Variants in KCNK2 observed in about 807,000 individuals in gnomAD.
KCNK2 encodes potassium channel subfamily K member 2.
KCNK2 carries 21 observed loss-of-function variants against 40.5 expected under a neutral mutation model. The observed-to-expected ratio is 0.52, with a 90% confidence interval of 0.37 to 0.75. The LOEUF is 0.75. Ranked by LOEUF, KCNK2 falls within the 30% of genes least tolerant of loss-of-function variation. The pLI is 0.00. For missense variants in KCNK2, 399 were observed against 531.6 expected, an observed-to-expected ratio of 0.75 and a Z score of 2.45; for synonymous variants, 191 against 202.2, an observed-to-expected ratio of 0.94 and a Z score of 0.47.
Position 215,236,763 on chromosome 1 carries a change from G to C in KCNK2, c.*1618G>C, listed in dbSNP as rs6686529. The C allele has an allele frequency of 0.72, 109,813 of 151,778 alleles. 40,256 individuals are homozygous for C. Among genetic ancestry groups the C allele is most frequent in the Non-Finnish European group, 0.79 (53,525 of 67,912 alleles). The allele number at this position is 151,778 out of a possible 1,614,324, so 9.4% of individuals were successfully genotyped here. A position where few individuals can be genotyped will look rare whatever the true frequency, so the allele number is the denominator to read the frequency against. ...ACTGATTTCTTTTACTTTTTTGTGTGTGGGGGTGGGAGCTGTATCTGAATA... is the reference window on the plus strand; with the variant it reads ...ACTGATTTCTTTTACTTTTTTGTGTCTGGGGGTGGGAGCTGTATCTGAATA... On this transcript the variant is annotated 3_prime_UTR_variant, in exon 7 of 7. Transcript: ENST00000444842.
chr1:215,216,099 A>C (rs1479998778), intron 6 of KCNK2, among the ~76,000 whole-genome samples: 2 of 152,064 alleles, frequency 1.3e-5, no homozygotes, highest in Non-Finnish European at 2.9e-5. Context: ...GTGAGCATTC[A>C]CTTAATGTGC....
chr1:215,180,652 A>T (rs1664185620), intron 5 of KCNK2, among the ~76,000 whole-genome samples: 1 of 152,064 alleles, frequency 6.6e-6, no homozygotes, highest in African/African-American at 2.4e-5. Context: ...TTACTGGTTG[A>T]AATTTCTTTT....
At chr1:215,107,306 T>A (rs570334537) in intron 2 of KCNK2, among the ~76,000 whole-genome samples, 1 of 152,184 alleles carries the variant, frequency 6.6e-6, no homozygotes, top group South Asian at 2.1e-4. Flanking sequence ...TTTCATCTTC[T>A]TGGTTAGACG....
At chr1:215,062,435 C>T (rs1658392351) in intron 1 of KCNK2, among the ~76,000 whole-genome samples, 1 of 151,874 alleles carries the variant, frequency 6.6e-6, no homozygotes, top group African/African-American at 2.4e-5. Flanking sequence ...TAGTCTACAA[C>T]ATCAGATATT....
At chr1:215,093,876 T>C (rs1291075046) in intron 2 of KCNK2, among the ~76,000 whole-genome samples, 16 of 100,310 alleles carry the variant, frequency 1.6e-4, no homozygotes, top group African/African-American at 5.4e-4. Context: ...ATATATTATA[T>C]ATTATATATT....
At chr1:215,176,761 C>T (rs1199611603) in intron 5 of KCNK2, among the ~76,000 whole-genome samples, 1 of 152,080 alleles carries the variant, frequency 6.6e-6, no homozygotes, top group East Asian at 1.9e-4. Flanking sequence ...GGGTTGATTT[C>T]TTGTCTTTGC....
At chr1:215,015,301 A>C (rs1656546941) in intron 1 of KCNK2, among the ~76,000 whole-genome samples, 1 of 152,060 alleles carries the variant, frequency 6.6e-6, no homozygotes, top group Non-Finnish European at 1.5e-5. Context: ...TGCTAGGAAA[A>C]ATTTCCTCTC....
At position 215,083,222 on chromosome 1, in the gene KCNK2, C is replaced by CCCCCCCCCCACA; in HGVS notation, c.-161_-160insCCCCCCACACCC. On this transcript the variant is annotated 5_prime_UTR_variant, in exon 1 of 7. Transcript: ENST00000444842. Reference sequence around the variant, plus strand: ...CCCCCCCGCCCCCTCCCGCGTCCAGCCCCGCTCTCCCCACCTTGTAAAACA... The same window carrying CCCCCCCCCCACA: ...CCCCCCCGCCCCCTCCCGCGTCCAGCCCCCCCCCCACACCCGCTCTCCCCACCTTGTAAAACA... The CCCCCCCCCCACA allele has an allele frequency of 6.4e-7, 1 of 1,554,880 alleles. No homozygotes were observed. The highest frequency in any genetic ancestry group is 8.8e-7 in the Non-Finnish European group (1 of 1,141,950).
intron 1 of KCNK2, among the ~76,000 whole-genome samples, chr1:215,060,517 C>T (rs1390920099): frequency 1.3e-5 from 2 of 152,106 alleles, no homozygotes; most frequent in South Asian, 2.1e-4. Context: ...GTTATTGGCT[C>T]AAAAATATAC....
chr1:215,211,458 G>A (rs1371331335), intron 6 of KCNK2, among the ~76,000 whole-genome samples: 1 of 152,040 alleles, frequency 6.6e-6, no homozygotes, highest in Non-Finnish European at 1.5e-5. Context: ...AGCACCCTTG[G>A]TTCTCCCTTC....
At chr1:215,231,760 A>G (rs1268783132) in intron 6 of KCNK2, among the ~76,000 whole-genome samples, 1 of 152,174 alleles carries the variant, frequency 6.6e-6, no homozygotes, top group East Asian at 1.9e-4. Flanking sequence ...AGTAATTTAT[A>G]AAGAAAGAGA....
chr1:215,150,129 A>G (rs1662622017), intron 3 of KCNK2, among the ~76,000 whole-genome samples: 1 of 152,154 alleles, frequency 6.6e-6, no homozygotes, highest in Non-Finnish European at 1.5e-5. Context: ...TCTTGGGACT[A>G]TGTATTGAGG....
chr1:215,121,299 A>G (rs1267407874), intron 2 of KCNK2, among the ~76,000 whole-genome samples: 1 of 152,038 alleles, frequency 6.6e-6, no homozygotes, highest in Non-Finnish European at 1.5e-5. Flanking sequence ...TTATTTATTT[A>G]TTTTTTGAGA....
chr1:215,088,247 T>C (rs1040561300), intron 2 of KCNK2, among the ~76,000 whole-genome samples: 1 of 152,180 alleles, frequency 6.6e-6, no homozygotes. Flanking sequence ...GGCAGCATGG[T>C]GTAGCAGTAA....
At chr1:215,053,074 T>C (rs1018954262) in intron 1 of KCNK2, among the ~76,000 whole-genome samples, 34 of 152,140 alleles carry the variant, frequency 2.2e-4, no homozygotes, top group Non-Finnish European at 4.1e-4. Context: ...TTTTCTTTTC[T>C]TTTTTTAAAA....
At chr1:215,092,789 C>A (rs996704211) in intron 2 of KCNK2, among the ~76,000 whole-genome samples, 1 of 152,176 alleles carries the variant, frequency 6.6e-6, no homozygotes, top group Non-Finnish European at 1.5e-5. Flanking sequence ...TCATCCATTG[C>A]ACTGTTACTA....
intron 6 of KCNK2, among the ~76,000 whole-genome samples, chr1:215,214,215 C>G (rs924546197): frequency 6.6e-6 from 1 of 152,260 alleles, no homozygotes; most frequent in African/African-American, 2.4e-5. Context: ...AGGAAACTTA[C>G]AATTACGGTG....
At chr1:215,060,165 G>T (rs115137362) in intron 1 of KCNK2, among the ~76,000 whole-genome samples, 5 of 152,330 alleles carry the variant, frequency 3.3e-5, no homozygotes, top group Non-Finnish European at 7.4e-5. Context: ...TCAGTCCGCA[G>T]TGCCAGCCAG....
intron 6 of KCNK2, among the ~76,000 whole-genome samples, chr1:215,212,020 T>C (rs1458362984): frequency 1.3e-5 from 2 of 152,162 alleles, no homozygotes; most frequent in Non-Finnish European, 2.9e-5. Context: ...AATAAGCTAC[T>C]TAAAATTTTC....
Sources: gnomAD v4.1 joint callset for allele counts (sites outside exome capture counted in the v4.1 genomes callset) on GRCh38, gnomAD v4.1.1 for gene constraint, MANE v1.5 for transcripts, NCBI Gene and HGNC (gene_info 2026-07-23, HGNC 2026-07-21) for gene names.